The following COL21A1 variants were observed in gnomAD, a reference collection of about 807,000 sequenced individuals.
COL21A1 encodes the protein collagen type XXI alpha 1 chain.
COL21A1 carries 149 observed loss-of-function variants against 137.9 expected under a neutral mutation model. The ratio of observed to expected loss-of-function variants is 1.08; its 90% CI spans 0.95 to 1.24. COL21A1 has a LOEUF of 1.24. COL21A1 is among the 50% of genes most tolerant of loss of function. The probability of loss-of-function intolerance (pLI) is 0.00; values close to 1 mark genes in which losing one functional copy is unlikely to be tolerated. For missense variants in COL21A1, 1,167 were observed against 1,158.4 expected (o/e 1.01, Z -0.11); for synonymous variants, 456 against 391.5 (o/e 1.16, Z -1.95).
intron 1 of COL21A1, among the ~76,000 whole-genome samples, chr6:56,213,640 T>C (rs1780315337): frequency 6.6e-6 from 1 of 152,054 alleles, no homozygotes; most frequent in South Asian, 2.1e-4. Context: ...ATACATTTCA[T>C]TATTTTCCCT....
At chr6:56,323,480 C>G (rs1764924756) in intron 1 of COL21A1, among the ~76,000 whole-genome samples, 1 of 152,180 alleles carries the variant, frequency 6.6e-6, no homozygotes, top group South Asian at 2.1e-4. Context: ...ACCTCTGCTT[C>G]CCGGATTCAA....
intron 18 of COL21A1, among the ~76,000 whole-genome samples, chr6:56,076,062 G>C (rs1767209474): frequency 6.6e-6 from 1 of 151,454 alleles, no homozygotes; most frequent in Admixed American, 6.6e-5. Context: ...AATATACTTT[G>C]AGTTGGGGCT....
Position 56,075,507 on chromosome 6 carries a change from T to C in COL21A1, c.1883A>G (p.Gln628Arg). The C allele has an allele frequency of 1.3e-6, 2 of 1,536,758 alleles. No homozygotes were observed. Among genetic ancestry groups the C allele is most frequent in the Non-Finnish European group, 1.8e-6 (2 of 1,141,516 alleles). ...CATCCCTGGGGCTCCTTTTTTTCCTTGCTGTCCTGGAGGCCCAATTTCTCC... is the reference window on the plus strand; with the variant it reads ...CATCCCTGGGGCTCCTTTTTTTCCTCGCTGTCCTGGAGGCCCAATTTCTCC... ...QKGEIGPPGQ[Q>R]GKKGAPGMPG... Residue 628 changes from glutamine to arginine, a missense_variant, in exon 19 of 30, where the codon CAA becomes CGA. Transcript: ENST00000244728.
At chr6:56,260,882 G>GTGTGTGTGTGTGTGTGTGTGTGTGTA (rs1763256202) in intron 1 of COL21A1, among the ~76,000 whole-genome samples, 1 of 148,108 alleles carries the variant, frequency 6.8e-6, no homozygotes, top group African/African-American at 2.5e-5. Context: ...GTGTGTATGT[G>GTGTGTGTGTGTGTGTGTGTGTGTGTA]TGTGTGTGTG....
At chr6:56,262,870 T>G (rs1054617040) in intron 1 of COL21A1, among the ~76,000 whole-genome samples, 13 of 152,166 alleles carry the variant, frequency 8.5e-5, no homozygotes, top group Admixed American at 5.2e-4. Context: ...TAAGGACTAC[T>G]CCAGCTAGAA....
chr6:56,191,534 G>T (rs937501565), intron 1 of COL21A1, among the ~76,000 whole-genome samples: 3 of 147,538 alleles, frequency 2.0e-5, no homozygotes, highest in Admixed American at 1.4e-4. Flanking sequence ...AGAGGTTGCA[G>T]CGAGCTGAGA....
At chr6:56,290,683 G>A (rs1349503504) in intron 1 of COL21A1, among the ~76,000 whole-genome samples, 1 of 151,874 alleles carries the variant, frequency 6.6e-6, no homozygotes, top group Non-Finnish European at 1.5e-5. Context: ...TGTATTTTTA[G>A]TAGAGATGGG....
intron 17 of COL21A1, among the ~76,000 whole-genome samples, chr6:56,098,559 A>T (rs1582342469): frequency 5.0e-5 from 1 of 19,834 alleles, no homozygotes; most frequent in South Asian, 1.9e-3. Context: ...ATATATATAA[A>T]TATATAAATA....
At chr6:56,252,572 G>A (rs1038460094), upstream of COL21A1, among the ~76,000 whole-genome samples, 4 of 152,254 alleles carry the variant, frequency 2.6e-5, no homozygotes, top group Middle Eastern at 3.4e-3. Context: ...GAACTACTTA[G>A]CATCTTTAAA....
At chr6:56,101,666 C>A in intron 16 of COL21A1, 141 bp from the exon 17 acceptor site, 1 of 649,490 alleles carries the variant, frequency 1.5e-6, no homozygotes, top group Non-Finnish European at 2.7e-6. Context: ...CTGATATTAA[C>A]TTTTCCTGAC....
intron 1 of COL21A1, among the ~76,000 whole-genome samples, chr6:56,379,933 G>T (rs2094006090): frequency 6.6e-6 from 1 of 152,110 alleles, no homozygotes; most frequent in Non-Finnish European, 1.5e-5. Context: ...GGAGTCATTT[G>T]TCTTTCCTAT....
At chr6:56,341,804 G>T (rs2152345322) in intron 1 of COL21A1, among the ~76,000 whole-genome samples, 1 of 152,260 alleles carries the variant, frequency 6.6e-6, no homozygotes, top group African/African-American at 2.4e-5. Flanking sequence ...TAGTGAGGGA[G>T]CCTGTGCATA....
chr6:56,373,133 G>A (rs1000031319), intron 1 of COL21A1, among the ~76,000 whole-genome samples: 7 of 152,152 alleles, frequency 4.6e-5, no homozygotes, highest in African/African-American at 1.7e-4. Flanking sequence ...CAGGTCTGTG[G>A]GCTGGAGAGC....
chr6:56,338,043 A>G (rs1342161893), intron 1 of COL21A1, among the ~76,000 whole-genome samples: 1 of 147,314 alleles, frequency 6.8e-6, no homozygotes, highest in Non-Finnish European at 1.5e-5. Flanking sequence ...GCTCACTGCA[A>G]CCTCCGCCTC....
chr6:56,237,836 T>A (rs1472752306), intron 1 of COL21A1, among the ~76,000 whole-genome samples: 1 of 152,122 alleles, frequency 6.6e-6, no homozygotes, highest in Non-Finnish European at 1.5e-5. Context: ...TCAAAAATAT[T>A]CACATTTTTT....
intron 16 of COL21A1, among the ~76,000 whole-genome samples, chr6:56,106,826 G>A (rs1421648293): frequency 4.0e-5 from 6 of 150,998 alleles, no homozygotes; most frequent in African/African-American, 9.7e-5. Flanking sequence ...TCGCTCTGTC[G>A]CCCAGGCTGG....
chr6:56,333,387 A>G (rs1765273578), intron 1 of COL21A1, among the ~76,000 whole-genome samples: 1 of 150,960 alleles, frequency 6.6e-6, no homozygotes, highest in African/African-American at 2.4e-5. Flanking sequence ...ATAAACTCAT[A>G]CAGCATGTAC....
intron 12 of COL21A1, among the ~76,000 whole-genome samples, chr6:56,140,448 C>T (rs1774328272): frequency 6.6e-6 from 1 of 152,104 alleles, no homozygotes; most frequent in African/African-American, 2.4e-5. Flanking sequence ...AGAAAATCCA[C>T]AAAATGGAAA....
intron 1 of COL21A1, among the ~76,000 whole-genome samples, chr6:56,340,056 GAA>G (rs5876502): frequency 6.6e-6 from 1 of 151,752 alleles, no homozygotes; most frequent in South Asian, 2.1e-4. Flanking sequence ...CCCCAGAGAG[GAA>G]AAAAAACGCC....
Sources: gnomAD v4.1 joint callset for allele counts (sites outside exome capture counted in the v4.1 genomes callset) on GRCh38, gnomAD v4.1.1 for gene constraint, MANE v1.5 for transcripts, NCBI Gene and HGNC (gene_info 2026-07-23, HGNC 2026-07-21) for gene names.